HSPA12A: variants seen among roughly 807,000 people sequenced by gnomAD.
HSPA12A encodes the protein heat shock protein family A (Hsp70) member 12A, also known as heat shock 70 kDa protein 12A.
In HSPA12A, 28 loss-of-function variants were observed where a neutral mutation model predicts 69.2. That is an observed-to-expected ratio of 0.40 (90% CI 0.30 to 0.55). The LOEUF is 0.55. HSPA12A is among the 20% of genes least tolerant of loss of function. The pLI, the probability that HSPA12A is intolerant of heterozygous loss-of-function variation, is 0.38. For synonymous variants in HSPA12A, 345 were observed against 370.5 expected, an observed-to-expected ratio of 0.93 and a Z score of 0.79; for missense variants, 686 against 900.7, an observed-to-expected ratio of 0.76 and a Z score of 3.05.
chr10:116,700,551 C>A (rs782700497), intron 4 of HSPA12A, among the ~76,000 whole-genome samples: 1 of 152,134 alleles, frequency 6.6e-6, no homozygotes, highest in Non-Finnish European at 1.5e-5. Flanking sequence ...CCATGTGTCC[C>A]TAGCCCCCAA....
chr10:116,779,876 G>A (rs1167449817), intron 2 of HSPA12A, among the ~76,000 whole-genome samples: 4 of 152,148 alleles, frequency 2.6e-5, no homozygotes, highest in African/African-American at 7.2e-5. Flanking sequence ...CCCGCACCCC[G>A]ACTCCATGTG....
Position 116,761,331 on chromosome 10 carries a change from C to T in HSPA12A, c.92-54046G>A, listed in dbSNP as rs537219561. 2.6e-4 allele frequency among the ~76,000 whole-genome samples: 39 copies of T among 151,980 alleles called. 1 individual carries two copies. The East Asian group carries it at 3.9e-3, about 15-fold the overall frequency. On this transcript the variant is annotated intron_variant, in intron 2 of 12. Transcript: ENST00000635765. ...TGAAACACCGTCTCTACTAAAAATA[C>T]AAAAATTAGCTGGGCATAGTGGCGC...
At chr10:116,742,584 G>C (rs1851551298), upstream of HSPA12A, 1 of 1,130,874 alleles carries the variant, frequency 8.8e-7, no homozygotes. Context: ...CGGGCAGCGG[G>C]AGCGCTGCTC....
chr10:116,796,163 A>G (rs201431950), intron 2 of HSPA12A, among the ~76,000 whole-genome samples: 23 of 138,886 alleles, frequency 1.7e-4, no homozygotes, highest in South Asian at 6.5e-4. Context: ...AAAAAAAAAA[A>G]AAAGAAAGAA....
intron 1 of HSPA12A, among the ~76,000 whole-genome samples, chr10:116,731,565 A>G (rs1851155164): frequency 6.6e-6 from 1 of 152,232 alleles, no homozygotes; most frequent in Admixed American, 6.5e-5. Context: ...GTAGCATGAA[A>G]CTTTTACATG....
At chr10:116,712,017 T>C (rs2132999940) in intron 1 of HSPA12A, among the ~76,000 whole-genome samples, 1 of 152,198 alleles carries the variant, frequency 6.6e-6, no homozygotes, top group East Asian at 1.9e-4. Context: ...TGCAAACTAC[T>C]AGCCACAAAA....
intron 1 of HSPA12A, among the ~76,000 whole-genome samples, chr10:116,848,782 G>A (rs1004083218): frequency 2.0e-5 from 3 of 152,136 alleles, no homozygotes; most frequent in Non-Finnish European, 2.9e-5. Context: ...CCCAAGTCCT[G>A]CCTGAATCAT....
At chr10:116,677,782 A>G (rs1349988189) in intron 10 of HSPA12A, among the ~76,000 whole-genome samples, 1 of 152,196 alleles carries the variant, frequency 6.6e-6, no homozygotes, top group African/African-American at 2.4e-5. Flanking sequence ...CACAAATGTC[A>G]TGTCAAAGGG....
rs575730210 is a variant in HSPA12A, at chr10:116,777,873, A to T, written c.91+57062T>A. Among the ~76,000 whole-genome samples, 222 of 152,314 alleles carry T rather than the reference A, an allele frequency of 1.5e-3. 1 individual carries two copies. The highest frequency in any genetic ancestry group is 3.4e-3 in the Middle Eastern group (1 of 294). On this transcript the variant is annotated intron_variant, in intron 2 of 12. Transcript: ENST00000635765. ...CTCCCAAGGAGCTGGGATTACAGGC[A>T]TGTGCCAACATGCCCAGCTAATTTT... is the stretch of plus-strand genomic sequence containing the variant.
intron 2 of HSPA12A, chr10:116,828,936 G>A (rs1311200701): frequency 3.9e-5 from 6 of 152,214 alleles, no homozygotes; most frequent in African/African-American, 1.4e-4. Context: ...GTGCAAAAGT[G>A]TGAGAAACAA....
intron 2 of HSPA12A, among the ~76,000 whole-genome samples, chr10:116,828,381 C>T (rs1845550278): frequency 2.0e-5 from 3 of 152,266 alleles, no homozygotes; most frequent in South Asian, 2.1e-4. Flanking sequence ...GACATGGCTG[C>T]GAGGCATGGC....
At chr10:116,811,529 A>G (rs1283342991) in intron 2 of HSPA12A, among the ~76,000 whole-genome samples, 3 of 140,536 alleles carry the variant, frequency 2.1e-5, no homozygotes, top group Non-Finnish European at 3.0e-5. Context: ...GGCATTTCTC[A>G]CTGATCTTCC....
chr10:116,699,341 G>A (rs1423944925), intron 4 of HSPA12A, among the ~76,000 whole-genome samples: 1 of 152,210 alleles, frequency 6.6e-6, no homozygotes, highest in Admixed American at 6.5e-5. Flanking sequence ...GTCCCAGAGA[G>A]AGGATGCTCT....
Position 116,723,340 on chromosome 10 carries a change from C to T in HSPA12A, c.41-16055G>A, listed in dbSNP as rs782812249. ...CTGTCTGCAGGGAGAGAGGGGCCCG[C>T]TGACCTTCACGTGGGAGGATTTGAC... is the stretch of plus-strand genomic sequence containing the variant. On this transcript the variant is annotated intron_variant, in intron 1 of 11. Coordinates refer to ENST00000369209, the MANE Select transcript of HSPA12A (RefSeq NM_025015.3). The surrounding 1 kb of genome is among the most constrained non-coding windows in gnomAD (Gnocchi z 4.1). Among the ~76,000 whole-genome samples the T allele has an allele frequency of 6.6e-6, 1 of 152,174 alleles. No individual in the cohort carries two copies. The highest frequency in any genetic ancestry group is 1.5e-5 in the Non-Finnish European group (1 of 68,034).
At chr10:116,718,004 A>G (rs901945188) in intron 1 of HSPA12A, among the ~76,000 whole-genome samples, 12 of 152,264 alleles carry the variant, frequency 7.9e-5, no homozygotes, top group African/African-American at 2.9e-4. Context: ...AGGCCATATG[A>G]CCACAGCTTG....
At chr10:116,771,674 G>A (rs903023706) in intron 2 of HSPA12A, among the ~76,000 whole-genome samples, 2 of 152,224 alleles carry the variant, frequency 1.3e-5, no homozygotes, top group Non-Finnish European at 2.9e-5. Context: ...GCCCAGGGAC[G>A]GGGTGGATGA....
At chr10:116,727,359 C>A (rs868948954) in intron 1 of HSPA12A, among the ~76,000 whole-genome samples, 2 of 152,182 alleles carry the variant, frequency 1.3e-5, no homozygotes, top group Non-Finnish European at 2.9e-5. Flanking sequence ...GGTGGCCTCT[C>A]CAGCAGGACG....
At chr10:116,717,930 A>G (rs1554883965) in intron 1 of HSPA12A, among the ~76,000 whole-genome samples, 1 of 152,152 alleles carries the variant, frequency 6.6e-6, no homozygotes, top group African/African-American at 2.4e-5. Flanking sequence ...CTCTGGCCCC[A>G]GTTTGCCCCC....
intron 1 of HSPA12A, among the ~76,000 whole-genome samples, chr10:116,719,169 G>C (rs1362930151): frequency 6.6e-6 from 1 of 152,144 alleles, no homozygotes; most frequent in Non-Finnish European, 1.5e-5. Flanking sequence ...TGATAACTTG[G>C]GGTAGATCCC....
Sources: gnomAD v4.1 joint callset for allele counts (sites outside exome capture counted in the v4.1 genomes callset) on GRCh38, gnomAD v4.1.1 for gene constraint, Gnocchi (gnomAD v3.1) non-coding constraint, MANE v1.5 for transcripts, NCBI Gene and HGNC (gene_info 2026-07-23, HGNC 2026-07-21) for gene names.